The following KLF5 variants were observed in gnomAD, a reference collection of about 807,000 sequenced individuals.
KLF5 encodes Krueppel-like factor 5.
Under a neutral mutation model 36.9 loss-of-function variants are expected in KLF5, and 9 were observed. That is an observed-to-expected ratio of 0.24 (90% CI 0.15 to 0.43). The LOEUF is 0.43. Ranked by LOEUF, KLF5 falls within the 20% of genes least tolerant of loss-of-function variation. KLF5 has a pLI of 1.00. For missense variants in KLF5, 524 were observed against 599.5 expected, an observed-to-expected ratio of 0.87 and a Z score of 1.31; for synonymous variants, 246 against 241.7, an observed-to-expected ratio of 1.02 and a Z score of -0.17.
rs762455427 is a variant in KLF5, at chr13:73,061,858, T to C, written c.262-3T>C. ...TATGCATTTTATATCTCTTCTTTTT[T>C]AGACAAGATGTGAAATGGAGAAGTA... On this transcript the variant is annotated splice_region_variant and splice_polypyrimidine_tract_variant and intron_variant, in intron 1 of 3. Transcript: ENST00000377687. 2.5e-6 allele frequency: 4 copies of C among 1,606,720 alleles called. No individual in the cohort carries two copies. The East Asian group carries it at 8.9e-5, about 36-fold the overall frequency.
At chr13:73,059,732 C>T in intron 1 of KLF5, 144 bp downstream of exon 1, 2 of 873,010 alleles carry the variant, frequency 2.3e-6, no homozygotes, top group Non-Finnish European at 2.8e-6. Context: ...GCAGCCCCGC[C>T]CTGCACGCCT....
chr13:73,062,147 C>T lies in KLF5; in HGVS notation c.548C>T (p.Thr183Ile), dbSNP rs2044641252. The change falls in exon 2 of 4, where the codon ACC (threonine) becomes ATC (isoleucine). Residue 183 changes from threonine (T) to isoleucine (I), a missense_variant. Physicochemically the swap from Thr to Ile is moderately conservative, Grantham distance 89. Around this residue, in one of 4 missense-constraint regions of KLF5, gnomAD observed 454 missense variants for 458.1 expected, o/e 0.99. Coordinates refer to ENST00000377687, the MANE Select transcript of KLF5 (RefSeq NM_001730.5). ...ACGACTGCCCCTCCTCCGGCCCCGA[C>T]CCAGGCCCTCCCTGAGTTCACCAGT... ...SETTAPPPAP[T>I]QALPEFTSIF... 1 of 1,614,156 alleles carries T rather than the reference C, an allele frequency of 6.2e-7. No homozygotes were observed. The highest frequency in any genetic ancestry group is 8.5e-7 in the Non-Finnish European group (1 of 1,180,030).
chr13:73,074,889 A>G (rs957354653), intron 3 of KLF5: 17 of 152,254 alleles, frequency 1.1e-4, no homozygotes, highest in African/African-American at 4.1e-4. Flanking sequence ...TTCCTGGCCT[A>G]TAATAGATGC....
At chr13:73,067,550 G>A (rs2044688809) in intron 3 of KLF5, among the ~76,000 whole-genome samples, 1 of 152,288 alleles carries the variant, frequency 6.6e-6, no homozygotes, top group South Asian at 2.1e-4. Flanking sequence ...AAAGCTGTTG[G>A]GAAATCAGGG....
chr13:73,065,838 A>T (rs1438162111), intron 3 of KLF5, among the ~76,000 whole-genome samples: 1 of 152,216 alleles, frequency 6.6e-6, no homozygotes, highest in South Asian at 2.1e-4. Flanking sequence ...TATTGCAGGG[A>T]TGTAGTCAAA....
At chr13:73,067,476 T>C (rs2044688326) in intron 3 of KLF5, among the ~76,000 whole-genome samples, 1 of 152,200 alleles carries the variant, frequency 6.6e-6, no homozygotes, top group Admixed American at 6.5e-5. Flanking sequence ...TCAACACAGA[T>C]GTTTGAAGTC....
chr13:73,073,447 G>A (rs2044736475), intron 3 of KLF5, among the ~76,000 whole-genome samples: 1 of 152,148 alleles, frequency 6.6e-6, no homozygotes, highest in Non-Finnish European at 1.5e-5. Flanking sequence ...CGTATTTCAA[G>A]CAATCAGTAA....
chr13:73,055,061 T>C (rs957541401), upstream of KLF5: 1 of 152,238 alleles, frequency 6.6e-6, no homozygotes, highest in Non-Finnish European at 1.5e-5. Context: ...TACAATACGC[T>C]TGGCCTATAA....
At chr13:73,061,007 T>A (rs528135525) in intron 1 of KLF5, among the ~76,000 whole-genome samples, 2 of 152,256 alleles carry the variant, frequency 1.3e-5, no homozygotes, top group South Asian at 4.2e-4. Flanking sequence ...AATGTAGCAT[T>A]GGCCCACTGA....
Position 73,062,791 on chromosome 13 carries a change from C to CTGTGTGCGCGCGCGTGTGCG in KLF5, c.1135+65_1135+84dup, listed in dbSNP as rs1235087132. On this transcript the variant is annotated intron_variant, in intron 2 of 3. Coordinates refer to ENST00000377687, the MANE Select transcript of KLF5 (RefSeq NM_001730.5). ...AGATGTAGTGTGTGTGTGTGTGTGT[C>CTGTGTGCGCGCGCGTGTGCG]TGTGTGCGCGCGCGTGTGCGTGTGT... is the stretch of plus-strand genomic sequence containing the variant. 363 of 868,638 alleles carry CTGTGTGCGCGCGCGTGTGCG rather than the reference C, an allele frequency of 4.2e-4. 1 individual carries two copies. The African/African-American group carries it at 4.5e-3, about 11-fold the overall frequency. The allele number at this position is 868,638 out of a possible 1,614,324, so 53.8% of individuals were successfully genotyped here.
chr13:73,073,626 A>G (rs2044737684), intron 3 of KLF5, among the ~76,000 whole-genome samples: 1 of 152,216 alleles, frequency 6.6e-6, no homozygotes, highest in Admixed American at 6.5e-5. Context: ...AATTGGGAGC[A>G]CTATAGGAAT....
Position 73,062,542 on chromosome 13 carries a change from C to A in KLF5, c.943C>A (p.Gln315Lys). Residue 315 changes from glutamine to lysine, a missense_variant, in exon 2 of 4, where the codon CAA becomes AAA. Physicochemically the swap from Gln to Lys is moderately conservative, Grantham distance 53. This residue lies in a region of KLF5 where 454 missense variants were observed against 458.1 expected (regional missense o/e 0.99). Coordinates refer to ENST00000377687, the MANE Select transcript of KLF5 (RefSeq NM_001730.5). Reference protein sequence around the residue: ...PSSEPGSPDRQAEMLQNLTPP... With the variant: ...PSSEPGSPDRKAEMLQNLTPP... ...CTCAGAGCCTGGAAGTCCAGATAGA[C>A]AAGCAGAGATGCTCCAGAATTTAAC... 6.2e-7 allele frequency: 1 copy of A among 1,614,212 alleles called. No homozygotes were observed. The highest frequency in any genetic ancestry group is 8.5e-7 in the Non-Finnish European group (1 of 1,180,034).
rs1383520353 is a variant in KLF5, at chr13:73,059,600, C to G, written c.261+12C>G. The G allele has an allele frequency of 8.7e-7, 1 of 1,150,710 alleles. No homozygotes were observed. The highest frequency in any genetic ancestry group is 1.1e-6 in the Non-Finnish European group (1 of 936,708). 71.3% of individuals were successfully genotyped at this position (1,150,710 alleles called of 1,614,324 possible). On this transcript the variant is annotated intron_variant, in intron 1 of 3. Coordinates refer to ENST00000377687, the MANE Select transcript of KLF5 (RefSeq NM_001730.5). ...AGGACCTGGTCCAGGTAGGAAGAGC[C>G]GCTCCCCTCCCACCGCAGCACTCCC... is the stretch of plus-strand genomic sequence containing the variant.
intron 3 of KLF5, among the ~76,000 whole-genome samples, chr13:73,070,858 C>G (rs751341815): frequency 6.6e-6 from 1 of 152,130 alleles, no homozygotes; most frequent in Non-Finnish European, 1.5e-5. Context: ...CACCTAAATG[C>G]GTATTACCAG....
At chr13:73,055,445 T>C (rs2139096390), upstream of KLF5, among the ~76,000 whole-genome samples, 1 of 152,324 alleles carries the variant, frequency 6.6e-6, no homozygotes, top group East Asian at 1.9e-4. Context: ...ACAAAAGCAA[T>C]GAACAGAGCA....
chr13:73,072,765 TCTGCTTAA>T lies in KLF5; in HGVS notation c.1196-2941_1196-2934del, dbSNP rs1326896212. Among the ~76,000 whole-genome samples the T allele has an allele frequency of 2.6e-5, 4 of 152,338 alleles. No homozygotes were observed. The East Asian group carries it at 7.7e-4, about 29-fold the overall frequency. ...CCCTTTTCCTTTTACCGGTAATGTT[TCTGCTTAA>T]CATTTTTGTAAAGTATGTTAATGAC... is the stretch of plus-strand genomic sequence containing the variant. On this transcript the variant is annotated intron_variant, in intron 3 of 3. Coordinates refer to ENST00000377687, the MANE Select transcript of KLF5 (RefSeq NM_001730.5).
intron 3 of KLF5, among the ~76,000 whole-genome samples, chr13:73,068,548 A>G (rs984439066): frequency 2.6e-5 from 4 of 151,320 alleles, no homozygotes; most frequent in African/African-American, 9.7e-5. Flanking sequence ...CACTAAAAAT[A>G]CAAAAATTAG....
chr13:73,059,163 C>T lies in KLF5; in HGVS notation c.-165C>T, dbSNP rs2044608070. The T allele has an allele frequency of 3.6e-6, 2 of 560,624 alleles. No individual in the cohort carries two copies. Among genetic ancestry groups the T allele is most frequent in the Non-Finnish European group, 5.4e-6 (2 of 372,442 alleles). 34.7% of individuals were successfully genotyped at this position (560,624 alleles called of 1,614,324 possible). A position where few individuals can be genotyped will look rare whatever the true frequency, so the allele number is the denominator to read the frequency against. ...CGTGTGGAAGAGCGGAAGAGTTTTGCTTTTCGTGCGCGCCTTCGAAAACTG... is the reference window on the plus strand; with the variant it reads ...CGTGTGGAAGAGCGGAAGAGTTTTGTTTTTCGTGCGCGCCTTCGAAAACTG... On this transcript the variant is annotated 5_prime_UTR_variant, in exon 1 of 4. Coordinates refer to ENST00000377687, the MANE Select transcript of KLF5 (RefSeq NM_001730.5).
At chr13:73,058,587 A>G (rs1177101360), upstream of KLF5, among the ~76,000 whole-genome samples, 1 of 152,234 alleles carries the variant, frequency 6.6e-6, no homozygotes, top group African/African-American at 2.4e-5. Context: ...TCTGGGTTTC[A>G]GCTTTTGAGT....
Sources: gnomAD v4.1 joint callset for allele counts (sites outside exome capture counted in the v4.1 genomes callset) on GRCh38, gnomAD v4.1.1 for gene constraint, gnomAD v4.1.1 regional missense constraint, MANE v1.5 for transcripts, NCBI Gene and HGNC (gene_info 2026-07-23, HGNC 2026-07-21) for gene names.